The following ATAD5 variants were observed in gnomAD, a reference collection of about 807,000 sequenced individuals.
ATAD5 encodes ATPase family AAA domain containing 5.
A neutral mutation model predicts 176.9 loss-of-function variants in ATAD5; 58 were observed. The ratio of observed to expected loss-of-function variants is 0.33; its 90% CI spans 0.27 to 0.41. The LOEUF is 0.41. Among genes scored for constraint, ATAD5 ranks in the 10% least tolerant of loss-of-function variants. The probability of loss-of-function intolerance (pLI) is 1.00; values close to 1 mark genes in which losing one functional copy is unlikely to be tolerated. For synonymous variants in ATAD5, 640 were observed against 712.6 expected (o/e 0.90, Z 1.62); for missense variants, 1,789 against 2,094.1 (o/e 0.85, Z 2.84).
At position 30,835,802 on chromosome 17, in the gene ATAD5, T is replaced by A; in HGVS notation, c.1721T>A (p.Leu574His). The change falls in exon 2 of 23, where the codon CTT (leucine) becomes CAT (histidine). Residue 574 changes from leucine to histidine, a missense_variant. Coordinates refer to ENST00000321990, the MANE Select transcript of ATAD5 (RefSeq NM_024857.5). ...KTSIPVKDIK[L>H]TQSKAESEAS... ...AGCATACCAGTTAAAGATATTAAGC[T>A]TACACAGTCTAAAGCTGAATCTGAA... 6.2e-7 allele frequency: 1 copy of A among 1,613,532 alleles called. No individual in the cohort carries two copies. The highest frequency in any genetic ancestry group is 8.5e-7 in the Non-Finnish European group (1 of 1,179,854).
intron 14 of ATAD5, among the ~76,000 whole-genome samples, chr17:30,871,938 T>G (rs1247634021): frequency 6.6e-6 from 1 of 152,190 alleles, no homozygotes; most frequent in East Asian, 1.9e-4. Flanking sequence ...ATGTGTTTGT[T>G]TTTGAGACAG....
At chr17:30,843,843 G>A in intron 4 of ATAD5, 70 bp from the exon 5 acceptor site, 3 of 925,976 alleles carry the variant, frequency 3.2e-6, no homozygotes, top group Non-Finnish European at 4.5e-6. Flanking sequence ...CTATCACTGT[G>A]ATTCTTTTGA....
intron 6 of ATAD5, among the ~76,000 whole-genome samples, chr17:30,851,366 G>T (rs1315045346): frequency 6.6e-6 from 1 of 150,828 alleles, no homozygotes; most frequent in Admixed American, 6.6e-5. Flanking sequence ...CGTGGTGGCG[G>T]GCGCCTGTAG....
Position 30,835,081 on chromosome 17 carries a change from A to G in ATAD5, c.1000A>G (p.Lys334Glu). 1 of 1,614,066 alleles carries G rather than the reference A, an allele frequency of 6.2e-7. No individual in the cohort carries two copies. Among genetic ancestry groups the G allele is most frequent in the Non-Finnish European group, 8.5e-7 (1 of 1,179,988 alleles). ...TGCACAGGTTCACCCTATTCCGCCCAAAAAGACAGGGAAAATACCCCGAAT... is the reference window on the plus strand; with the variant it reads ...TGCACAGGTTCACCCTATTCCGCCCGAAAAGACAGGGAAAATACCCCGAAT... ...VLAQVHPIPP[K>E]KTGKIPRIFL... is the part of the protein sequence containing the mutation. Residue 334 changes from lysine to glutamate, a missense_variant, in exon 2 of 23, where the codon AAA (lysine) becomes GAA (glutamate). Lys to Glu is a moderately conservative substitution (Grantham distance 56). Transcript: ENST00000321990.
Position 30,894,582 on chromosome 17 carries a change from A to G in ATAD5, c.5316A>G (p.Ile1772Met). Residue 1772 changes from isoleucine to methionine, a missense_variant, in exon 22 of 23, where the codon ATA becomes ATG. By Grantham distance (10) the Ile-to-Met change is conservative. Around this residue, in one of 6 missense-constraint regions of ATAD5, gnomAD observed 403 missense variants for 495.1 expected, o/e 0.81. Coordinates refer to ENST00000321990, the MANE Select transcript of ATAD5 (RefSeq NM_024857.5). ...AANLDNAWKR[I>M]SVIKSVFSSR... ...TTTACAGCAATGCTTGGAAGAGGAT[A>G]TCAGTCATTAAAAGTGTATTTTCGA... 8 of 1,608,168 alleles carry G rather than the reference A, an allele frequency of 5.0e-6. No individual in the cohort carries two copies. The highest frequency in any genetic ancestry group is 6.8e-6 in the Non-Finnish European group (8 of 1,178,544).
chr17:30,847,370 G>A (rs957189508), intron 6 of ATAD5, among the ~76,000 whole-genome samples: 3 of 151,340 alleles, frequency 2.0e-5, no homozygotes, highest in Non-Finnish European at 2.9e-5. Context: ...TTGCACTGTC[G>A]CCCAGGCTGG....
intron 18 of ATAD5, among the ~76,000 whole-genome samples, chr17:30,882,184 A>C (rs1448398133): frequency 6.6e-6 from 1 of 151,922 alleles, no homozygotes; most frequent in Non-Finnish European, 1.5e-5. Flanking sequence ...CGAACCTGGG[A>C]GGCAGAGGTT....
chr17:30,877,274 G>T lies in ATAD5; in HGVS notation c.3785-142G>T, dbSNP rs567313107. On this transcript the variant is annotated intron_variant, in intron 15 of 22. Coordinates refer to ENST00000321990, the MANE Select transcript of ATAD5 (RefSeq NM_024857.5). ...TCCACTTGCCTCGGCCTCCCAAAGT[G>T]CTGGGATTACAGGCATGAGCCACCG... 1.1e-4 allele frequency: 68 copies of T among 594,426 alleles called. 1 individual carries two copies. In the African/African-American group the frequency reaches 1.3e-3, roughly 11 times the overall value. 36.8% of individuals were successfully genotyped at this position (594,426 alleles called of 1,614,324 possible).
intron 14 of ATAD5, 143 bp from the exon 15 acceptor site, chr17:30,876,231 A>G (rs946835083): frequency 1.1e-5 from 6 of 565,870 alleles, no homozygotes; most frequent in South Asian, 3.6e-5. Context: ...TTGGATGTAC[A>G]TAGTATTTTT....
At chr17:30,841,756 G>A (rs1906136289) in intron 4 of ATAD5, among the ~76,000 whole-genome samples, 1 of 151,990 alleles carries the variant, frequency 6.6e-6, no homozygotes, top group Non-Finnish European at 1.5e-5. Context: ...TTTTGTGTCT[G>A]GCTTCTATTA....
intron 19 of ATAD5, among the ~76,000 whole-genome samples, chr17:30,892,406 T>TA (rs2142456661): frequency 1.4e-5 from 2 of 144,726 alleles, no homozygotes; most frequent in South Asian, 4.4e-4. Flanking sequence ...GCCTGGGTGA[T>TA]AGAGTGATAC....
intron 8 of ATAD5, 141 bp from the exon 9 acceptor site, chr17:30,858,020 A>C (rs1907388885): frequency 1.6e-6 from 1 of 623,174 alleles, no homozygotes; most frequent in African/African-American, 1.9e-5. Context: ...CTGGGAATAT[A>C]GGCGTGAGCC....
chr17:30,879,541 A>G, intron 18 of ATAD5, 54 bp downstream of exon 18: 1 of 1,446,226 alleles, frequency 6.9e-7, no homozygotes, highest in South Asian at 1.2e-5. Flanking sequence ...ATGTAAAAGT[A>G]GTTTATTATT....
intron 19 of ATAD5, among the ~76,000 whole-genome samples, chr17:30,890,116 T>G (rs1567700922): frequency 1.3e-5 from 2 of 152,004 alleles, no homozygotes; most frequent in Admixed American, 6.6e-5. Flanking sequence ...ATTGAACTCC[T>G]GGGCTCAAGT....
At chr17:30,888,424 G>T (rs986225428) in intron 19 of ATAD5, among the ~76,000 whole-genome samples, 6 of 151,830 alleles carry the variant, frequency 4.0e-5, no homozygotes, top group African/African-American at 1.5e-4. Flanking sequence ...CGTGTCTGTG[G>T]TCCTAGCTAC....
chr17:30,833,732 G>A (rs1905518797), intron 1 of ATAD5, among the ~76,000 whole-genome samples: 1 of 152,200 alleles, frequency 6.6e-6, no homozygotes, highest in Non-Finnish European at 1.5e-5. Flanking sequence ...CCAGGCTGGA[G>A]TGCAGTGGCA....
chr17:30,872,616 T>C (rs1258757345), intron 14 of ATAD5, among the ~76,000 whole-genome samples: 1 of 151,320 alleles, frequency 6.6e-6, no homozygotes, highest in Non-Finnish European at 1.5e-5. Context: ...AGTGCAGTGG[T>C]GCGATCTTGG....
intron 7 of ATAD5, 47 bp downstream of exon 7, chr17:30,855,374 A>G (rs774361041): frequency 6.7e-7 from 1 of 1,498,736 alleles, no homozygotes; most frequent in Admixed American, 2.2e-5. Flanking sequence ...AGCTGTTAGC[A>G]GGAACATTAA....
At chr17:30,873,062 TCTTA>T (rs1908434476) in intron 14 of ATAD5, among the ~76,000 whole-genome samples, 1 of 152,184 alleles carries the variant, frequency 6.6e-6, no homozygotes, top group Non-Finnish European at 1.5e-5. Flanking sequence ...GTTTTCTTGT[TCTTA>T]TTTATGATGG....
Sources: gnomAD v4.1 joint callset for allele counts (sites outside exome capture counted in the v4.1 genomes callset) on GRCh38, gnomAD v4.1.1 for gene constraint, gnomAD v4.1.1 regional missense constraint, MANE v1.5 for transcripts, NCBI Gene and HGNC (gene_info 2026-07-23, HGNC 2026-07-21) for gene names.